The following CHD1L variants were observed in gnomAD, a reference collection of about 807,000 sequenced individuals.
CHD1L encodes the protein chromodomain helicase DNA binding protein 1 like, also known as ATP-dependent chromatin remodeler CHD1L.
A neutral mutation model predicts 115.9 loss-of-function variants in CHD1L; 118 were observed. The ratio of observed to expected loss-of-function variants is 1.02; its 90% CI spans 0.88 to 1.19. The LOEUF (loss-of-function observed/expected upper bound fraction) is 1.19, where lower values mean the gene tolerates loss of function less well. Among genes scored for constraint, CHD1L ranks in the 50% most tolerant of loss-of-function variants. CHD1L has a pLI of 0.00. For synonymous variants in CHD1L, 411 were observed against 387.1 expected (o/e 1.06, Z -0.72); for missense variants, 1,179 against 1,065.3 (o/e 1.11, Z -1.49).
chr1:147,210,315 A>C, the CHD1L span: 1 of 152,198 alleles, frequency 6.6e-6, no homozygotes, highest in South Asian at 2.1e-4. Context: ...CCTCTGGCTA[A>C]AGTTCATGTT....
At chr1:147,176,723 A>G in the CHD1L span, among the ~76,000 whole-genome samples, 1 of 152,182 alleles carries the variant, frequency 6.6e-6, no homozygotes, top group Non-Finnish European at 1.5e-5. Context: ...CTATGAATCT[A>G]CTATGTATAT....
At chr1:147,260,259 T>C (rs949048290) in intron 6 of CHD1L, 7 of 188,346 alleles carry the variant, frequency 3.7e-5, no homozygotes, top group South Asian at 1.2e-4. Flanking sequence ...TCTACTGTTA[T>C]AGTATCATAC....
chr1:147,178,943 A>G, the CHD1L span: 14 of 1,608,630 alleles, frequency 8.7e-6, no homozygotes, highest in Admixed American at 3.3e-5. Flanking sequence ...AAAGGTTCCA[A>G]CTACTGGAGA....
At position 147,294,445 on chromosome 1, in the gene CHD1L, A is replaced by T; in HGVS notation, c.2543A>T (p.Lys848Ile). The T allele has an allele frequency of 6.2e-7, 1 of 1,612,902 alleles. No individual in the cohort carries two copies. Among genetic ancestry groups the T allele is most frequent in the South Asian group, 1.1e-5 (1 of 90,860 alleles). Residue 848 changes from lysine (K) to isoleucine (I), a missense_variant, in exon 22 of 23, where the codon AAA becomes ATA. Physicochemically the swap from Lys to Ile is moderately radical, Grantham distance 102. Transcript: ENST00000369258. The part of the protein sequence containing the change: ...VHLPRIGHAT[K>I]GFNWYGTERL... ...CTTCCACGTATTGGACATGCCACGAAAGGTTTTAACTGGTATGGTACTGAG... is the reference window on the plus strand; with the variant it reads ...CTTCCACGTATTGGACATGCCACGATAGGTTTTAACTGGTATGGTACTGAG...
chr1:147,212,583 A>G, the CHD1L span: 2 of 1,533,134 alleles, frequency 1.3e-6, no homozygotes, highest in Non-Finnish European at 8.9e-7. Context: ...TACATGATAG[A>G]TATCATTTGT....
chr1:147,246,014 C>T (rs1666496454), intron 1 of CHD1L, among the ~76,000 whole-genome samples: 1 of 152,190 alleles, frequency 6.6e-6, no homozygotes, highest in South Asian at 2.1e-4. Flanking sequence ...CCACAAGGAT[C>T]CCTCAACTTG....
chr1:147,202,797 C>A, the CHD1L span, among the ~76,000 whole-genome samples: 1,263 of 152,224 alleles, frequency 8.3e-3, 22 homozygotes, highest in African/African-American at 0.029. Context: ...TTTCTCCAAA[C>A]CTACTCCTTT....
chr1:147,233,181 C>T, the CHD1L span, among the ~76,000 whole-genome samples: 4 of 151,656 alleles, frequency 2.6e-5, no homozygotes, highest in African/African-American at 9.7e-5. Flanking sequence ...AACGTCTCTG[C>T]CCAGCCGCCC....
the CHD1L span, chr1:147,210,265 T>C: frequency 6.6e-6 from 1 of 152,224 alleles, no homozygotes; most frequent in Non-Finnish European, 1.5e-5. Context: ...ATAAGATTGC[T>C]AGTGGAACAA....
the CHD1L span, among the ~76,000 whole-genome samples, chr1:147,187,591 T>C: frequency 6.6e-6 from 1 of 152,120 alleles, no homozygotes. Context: ...CAAAGGACTC[T>C]GATGTTATGA....
At chr1:147,215,387 A>C in the CHD1L span, 4 of 174,882 alleles carry the variant, frequency 2.3e-5, no homozygotes, top group African/African-American at 9.5e-5. Flanking sequence ...CAAAAGGGCT[A>C]AGCAGTAATG....
At chr1:147,285,290 T>C in intron 16 of CHD1L, 34 bp from the exon 17 acceptor site, 1 of 1,596,876 alleles carries the variant, frequency 6.3e-7, no homozygotes, top group Non-Finnish European at 8.5e-7. Flanking sequence ...AGGAATCTTC[T>C]TGACCCTGGT....
intron 4 of CHD1L, 33 bp from the exon 5 acceptor site, chr1:147,256,498 C>T: frequency 1.3e-6 from 2 of 1,599,228 alleles, no homozygotes; most frequent in Non-Finnish European, 1.7e-6. Flanking sequence ...TTATCAATGC[C>T]AGCCTTTATA....
the CHD1L span, among the ~76,000 whole-genome samples, chr1:147,190,599 G>A: frequency 1.3e-5 from 2 of 152,102 alleles, no homozygotes; most frequent in Non-Finnish European, 2.9e-5. Context: ...AAGGGCAGGG[G>A]AGTGGGAAAA....
chr1:147,234,684 T>G, the CHD1L span, among the ~76,000 whole-genome samples: 1 of 152,200 alleles, frequency 6.6e-6, no homozygotes, highest in Admixed American at 6.5e-5. Context: ...TATGGAGTAA[T>G]AGTGAAAAAT....
At chr1:147,215,716 A>G in the CHD1L span, 10 of 1,457,548 alleles carry the variant, frequency 6.9e-6, no homozygotes, top group Admixed American at 2.0e-4. Context: ...TACTTGGCAA[A>G]CAACTTCAAA....
At chr1:147,294,623 A>G in intron 22 of CHD1L, 106 bp downstream of exon 22, 1 of 775,354 alleles carries the variant, frequency 1.3e-6, no homozygotes, top group Non-Finnish European at 2.0e-6. Context: ...TTCCTGCCAC[A>G]GTCTTTACTT....
At chr1:147,289,034 C>T (rs1270445673) in intron 19 of CHD1L, among the ~76,000 whole-genome samples, 1 of 152,112 alleles carries the variant, frequency 6.6e-6, no homozygotes, top group Non-Finnish European at 1.5e-5. Context: ...GCCCAGTTCT[C>T]TATGGTGGAA....
the CHD1L span, chr1:147,210,538 T>G: frequency 6.6e-6 from 1 of 152,200 alleles, no homozygotes; most frequent in South Asian, 2.1e-4. Flanking sequence ...CTGATAATTA[T>G]GTACTTCCAC....
Sources: allele counts gnomAD v4.1 joint callset (sites outside exome capture counted in the v4.1 genomes callset), GRCh38; gene constraint gnomAD v4.1.1; transcripts MANE v1.5; gene names NCBI Gene and HGNC (gene_info 2026-07-23, HGNC 2026-07-21).